ALG6: variants seen among roughly 807,000 people sequenced by gnomAD.
ALG6 encodes ALG6 alpha-1,3-glucosyltransferase.
In ALG6, 46 loss-of-function variants were observed where a neutral mutation model predicts 66.6. The observed-to-expected ratio is 0.69, with a 90% confidence interval of 0.55 to 0.88. ALG6 has a LOEUF of 0.88. Among genes scored for constraint, ALG6 ranks in the 40% least tolerant of loss-of-function variants. The probability of loss-of-function intolerance (pLI) is 0.00; values close to 1 mark genes in which losing one functional copy is unlikely to be tolerated. For missense variants in ALG6, 505 were observed against 586.8 expected, an observed-to-expected ratio of 0.86 and a Z score of 1.44; for synonymous variants, 185 against 203.7, an observed-to-expected ratio of 0.91 and a Z score of 0.78.
Position 63,438,131 on chromosome 1 carries a change from T to TA in ALG6, c.*1112dup, listed in dbSNP as rs1427602783. Reference sequence around the variant, plus strand: ...TTAATATAGTGCAAATCAAACCACATACAAAAAAAAACTGGTTCTAGACAC... The same window carrying TA: ...TTAATATAGTGCAAATCAAACCACATAACAAAAAAAAACTGGTTCTAGACAC... On this transcript the variant is annotated 3_prime_UTR_variant, in exon 15 of 15. Transcript: ENST00000263440. The TA allele has an allele frequency of 1.3e-5, 2 of 151,912 alleles. No individual in the cohort carries two copies. The highest frequency in any genetic ancestry group is 2.4e-5 in the African/African-American group (1 of 41,354). The allele number at this position is 151,912 out of a possible 1,614,324, so 9.4% of individuals were successfully genotyped here.
intron 2 of ALG6, among the ~76,000 whole-genome samples, chr1:63,388,996 C>G (rs954976492): frequency 2.6e-5 from 4 of 152,014 alleles, no homozygotes; most frequent in African/African-American, 9.7e-5. Context: ...TTTTAGGATT[C>G]TTTCTTTATC....
chr1:63,405,446 A>G (rs893679533), intron 5 of ALG6, among the ~76,000 whole-genome samples: 14 of 152,184 alleles, frequency 9.2e-5, no homozygotes, highest in African/African-American at 3.1e-4. Context: ...AGGGTTACAG[A>G]GAACAAGTCT....
intron 2 of ALG6, among the ~76,000 whole-genome samples, chr1:63,380,665 A>G (rs1367766321): frequency 6.6e-6 from 1 of 152,224 alleles, no homozygotes; most frequent in Non-Finnish European, 1.5e-5. Flanking sequence ...AAATGATACT[A>G]TTTCAGTATT....
intron 12 of ALG6, among the ~76,000 whole-genome samples, chr1:63,420,401 A>G (rs1437597955): frequency 1.3e-5 from 2 of 152,132 alleles, no homozygotes; most frequent in African/African-American, 4.8e-5. Context: ...TTTCCCCAGA[A>G]TTTATACTCA....
chr1:63,374,907 TAC>T (rs1648066280), intron 2 of ALG6, among the ~76,000 whole-genome samples: 1 of 152,132 alleles, frequency 6.6e-6, no homozygotes, highest in African/African-American at 2.4e-5. Flanking sequence ...GACATGTAAA[TAC>T]ATACTACATA....
rs1644683681 is a variant in ALG6 at position 63,437,107 on chromosome 1, A to G, written c.*87A>G. 3.4e-6 allele frequency: 4 copies of G among 1,172,776 alleles called. No individual in the cohort carries two copies. In the East Asian group the frequency reaches 1.0e-4, roughly 30 times the overall value. 72.6% of individuals were successfully genotyped at this position (1,172,776 alleles called of 1,614,324 possible). On this transcript the variant is annotated 3_prime_UTR_variant, in exon 15 of 15. Transcript: ENST00000263440. ...TTTGTGAACTTTTTGCTATGTATAA[A>G]TGAAATTACCATTTTGAGAACCATG...
chr1:63,434,691 G>T (rs1421548091), intron 14 of ALG6, among the ~76,000 whole-genome samples: 1 of 152,164 alleles, frequency 6.6e-6, no homozygotes, highest in Non-Finnish European at 1.5e-5. Context: ...TCTTTTTCCA[G>T]TGTGGCCCAG....
chr1:63,398,496 G>A (rs1480685061), intron 3 of ALG6, among the ~76,000 whole-genome samples: 4 of 151,828 alleles, frequency 2.6e-5, no homozygotes, highest in African/African-American at 9.7e-5. Context: ...TTTTTGAGAC[G>A]GAGTCTCGCT....
intron 12 of ALG6, among the ~76,000 whole-genome samples, chr1:63,421,098 C>A (rs985879001): frequency 6.6e-6 from 1 of 150,798 alleles, no homozygotes. Flanking sequence ...TAATAAATAC[C>A]ATGATGGAGA....
intron 2 of ALG6, among the ~76,000 whole-genome samples, chr1:63,382,651 G>T (rs11208201): frequency 0.15 from 3,461 of 23,458 alleles, 68 homozygotes; most frequent in South Asian, 0.25. Flanking sequence ...GTTTTTTTTT[G>T]TTTGTTTTTT....
At chr1:63,427,008 ATTTC>A (rs973667449) in intron 12 of ALG6, among the ~76,000 whole-genome samples, 3 of 151,852 alleles carry the variant, frequency 2.0e-5, no homozygotes, top group African/African-American at 7.3e-5. Context: ...TCCTCTAGTA[ATTTC>A]TTTCTTTGAG....
Position 63,411,309 on chromosome 1 carries a change from A to G in ALG6, c.658A>G (p.Lys220Glu), listed in dbSNP as rs1644514822. Residue 220 changes from lysine (K) to glutamate (E), a missense_variant, in exon 8 of 15, where the codon AAA becomes GAA. Lys to Glu is a moderately conservative substitution (Grantham distance 56, BLOSUM62 1). Transcript: ENST00000263440. ...TTGCTTTTTACTTGGCAAGTGTTTTAAAAAAGGCCTCAAAGGAAAGGGGTG... is the reference window on the plus strand; with the variant it reads ...TTGCTTTTTACTTGGCAAGTGTTTTGAAAAAGGCCTCAAAGGAAAGGGGTG... ...FFCFLLGKCF[K>E]KGLKGKGFVL... The G allele has an allele frequency of 1.2e-6, 2 of 1,613,446 alleles. No individual in the cohort carries two copies. The highest frequency in any genetic ancestry group is 1.7e-6 in the Non-Finnish European group (2 of 1,179,610).
At chr1:63,409,531 A>G (rs1420181996) in intron 7 of ALG6, among the ~76,000 whole-genome samples, 1 of 152,108 alleles carries the variant, frequency 6.6e-6, no homozygotes, top group African/African-American at 2.4e-5. Flanking sequence ...CAACACTTCT[A>G]TCGAATTTCA....
At chr1:63,393,102 G>A (rs567126289) in intron 2 of ALG6, among the ~76,000 whole-genome samples, 31 of 152,024 alleles carry the variant, frequency 2.0e-4, no homozygotes, top group African/African-American at 7.0e-4. Context: ...TATCCCAGTG[G>A]ACCAAAAACA....
At chr1:63,375,837 A>G (rs1648106018) in intron 2 of ALG6, among the ~76,000 whole-genome samples, 1 of 152,096 alleles carries the variant, frequency 6.6e-6, no homozygotes, top group Admixed American at 6.5e-5. Flanking sequence ...TTTGTAATTT[A>G]TATTTTTCTA....
At chr1:63,410,037 C>T (rs900899138) in intron 7 of ALG6, among the ~76,000 whole-genome samples, 1 of 152,148 alleles carries the variant, frequency 6.6e-6, no homozygotes, top group Non-Finnish European at 1.5e-5. Context: ...TCTGCACATA[C>T]TACTCAAAGA....
chr1:63,378,499 C>T (rs900772720), intron 2 of ALG6, among the ~76,000 whole-genome samples: 9 of 152,028 alleles, frequency 5.9e-5, no homozygotes, highest in African/African-American at 2.2e-4. Flanking sequence ...GCTACTGTGT[C>T]TTCTTATTTT....
chr1:63,403,711 T>G (rs1409630032), intron 4 of ALG6, among the ~76,000 whole-genome samples: 1 of 152,132 alleles, frequency 6.6e-6, no homozygotes, highest in African/African-American at 2.4e-5. Flanking sequence ...GCATAGCCTA[T>G]TGTTCCTAGG....
intron 1 of ALG6, among the ~76,000 whole-genome samples, chr1:63,368,904 C>T (rs528925977): frequency 6.6e-6 from 1 of 152,238 alleles, no homozygotes; most frequent in East Asian, 1.9e-4. Context: ...CATTTCCTAA[C>T]CACTACTCAA....
Sources: allele counts gnomAD v4.1 joint callset (sites outside exome capture counted in the v4.1 genomes callset), GRCh38; gene constraint gnomAD v4.1.1; transcripts MANE v1.5; gene names NCBI Gene and HGNC (gene_info 2026-07-23, HGNC 2026-07-21).